NHSL2: variants seen among roughly 807,000 people sequenced by gnomAD.
NHSL2 encodes the protein NHS like 2, also known as NHS-like protein 2.
NHSL2 carries 27 observed loss-of-function variants against 53.4 expected under a neutral mutation model. That is an observed-to-expected ratio of 0.51 (90% CI 0.37 to 0.70). The LOEUF (loss-of-function observed/expected upper bound fraction) is 0.70, where lower values mean the gene tolerates loss of function less well. NHSL2 is among the 30% of genes least tolerant of loss of function. The probability of loss-of-function intolerance (pLI) is 0.00; values close to 1 mark genes in which losing one functional copy is unlikely to be tolerated. For missense variants in NHSL2, 892 were observed against 980.1 expected (o/e 0.91, Z 1.20); for synonymous variants, 408 against 404.1 (o/e 1.01, Z -0.12).
intron 1 of NHSL2, among the ~76,000 whole-genome samples, chrX:72,064,366 A>G (rs975233828): frequency 5.3e-5 from 6 of 112,300 alleles, no homozygotes; most frequent in African/African-American, 1.6e-4. Flanking sequence ...AGCAGAATGA[A>G]AAGGAGACAG....
intron 1 of NHSL2, among the ~76,000 whole-genome samples, chrX:71,924,746 G>A (rs1470656945): frequency 8.9e-6 from 1 of 112,474 alleles, no homozygotes. Context: ...ACGGGCCTTT[G>A]AGAGTAGAAA....
At chrX:71,936,646 A>T (rs2041739909) in intron 1 of NHSL2, among the ~76,000 whole-genome samples, 1 of 112,430 alleles carries the variant, frequency 8.9e-6, no homozygotes, top group Non-Finnish European at 1.9e-5. Context: ...GAGAAACAAA[A>T]CAGAAACTTT....
chrX:72,062,044 T>G (rs1157903190), intron 1 of NHSL2, among the ~76,000 whole-genome samples: 2 of 112,729 alleles, frequency 1.8e-5, no homozygotes, highest in African/African-American at 6.5e-5. Context: ...CTCATTAACC[T>G]CTATCACCCA....
intron 1 of NHSL2, among the ~76,000 whole-genome samples, chrX:72,091,071 A>T (rs1298084707): frequency 8.9e-6 from 1 of 111,943 alleles, no homozygotes; most frequent in East Asian, 2.8e-4. Flanking sequence ...TCCAATGTTC[A>T]TGTGTTCTTT....
At chrX:72,082,140 A>G (rs1481328010) in intron 1 of NHSL2, among the ~76,000 whole-genome samples, 1 of 111,966 alleles carries the variant, frequency 8.9e-6, no homozygotes, top group Non-Finnish European at 1.9e-5. Flanking sequence ...CATAGCTGAG[A>G]TAAGTGGGCC....
intron 1 of NHSL2, among the ~76,000 whole-genome samples, chrX:71,943,337 C>T (rs1046128554): frequency 2.7e-5 from 3 of 112,417 alleles, no homozygotes; most frequent in Non-Finnish European, 5.6e-5. Context: ...CCATCCAATT[C>T]ATCTTCCTTA....
chrX:72,082,898 A>G (rs1046047257), intron 1 of NHSL2, among the ~76,000 whole-genome samples: 1 of 111,945 alleles, frequency 8.9e-6, no homozygotes, highest in African/African-American at 3.3e-5. Context: ...CACATTCTGT[A>G]CTCCAGCCTT....
At chrX:71,928,651 C>A (rs1338920816) in intron 1 of NHSL2, among the ~76,000 whole-genome samples, 2 of 111,291 alleles carry the variant, frequency 1.8e-5, no homozygotes, top group African/African-American at 6.5e-5. Flanking sequence ...GGTGGCCCCT[C>A]AAACTTGGTG....
At chrX:72,008,070 A>G (rs890624303) in intron 1 of NHSL2, among the ~76,000 whole-genome samples, 1 of 113,041 alleles carries the variant, frequency 8.8e-6, no homozygotes, top group Non-Finnish European at 1.9e-5. Flanking sequence ...AGGTATTTCA[A>G]GCTGGAGGCT....
intron 1 of NHSL2, among the ~76,000 whole-genome samples, chrX:71,963,265 A>T (rs909900962): frequency 9.0e-6 from 1 of 110,896 alleles, no homozygotes; most frequent in Non-Finnish European, 1.9e-5. Flanking sequence ...TGTAAATAAT[A>T]TAGTAAAATA....
At chrX:72,043,891 G>A (rs1402542348) in intron 1 of NHSL2, among the ~76,000 whole-genome samples, 1 of 111,990 alleles carries the variant, frequency 8.9e-6, no homozygotes, top group African/African-American at 3.2e-5. Context: ...GAGGAAACCG[G>A]CTGAGTCCTA....
chrX:72,137,333 G>T, intron 5 of NHSL2, 108 bp downstream of exon 5: 1 of 779,782 alleles, frequency 1.3e-6, no homozygotes, highest in Admixed American at 3.7e-5. Context: ...ATTGGGTGGA[G>T]GAGGGGGCCT....
chrX:72,044,007 T>C (rs898630451), intron 1 of NHSL2, among the ~76,000 whole-genome samples: 2 of 112,118 alleles, frequency 1.8e-5, no homozygotes, highest in East Asian at 5.6e-4. Flanking sequence ...AAATGAAGCT[T>C]GGTCCCTGTC....
chrX:72,059,505 G>A (rs1287584938), intron 1 of NHSL2, among the ~76,000 whole-genome samples: 2 of 111,928 alleles, frequency 1.8e-5, no homozygotes, highest in Non-Finnish European at 3.8e-5. Context: ...TCCCAAATAC[G>A]AGAAACCCTC....
chrX:72,056,536 C>T (rs1241051267), intron 1 of NHSL2, among the ~76,000 whole-genome samples: 1 of 109,093 alleles, frequency 9.2e-6, no homozygotes, highest in Non-Finnish European at 1.9e-5. Flanking sequence ...TATTTGTGTG[C>T]TTATTTAACG....
intron 1 of NHSL2, among the ~76,000 whole-genome samples, chrX:71,975,692 C>T (rs1230553696): frequency 1.8e-5 from 2 of 110,727 alleles, no homozygotes; most frequent in Non-Finnish European, 3.8e-5. Context: ...TCCTCATCAC[C>T]ATTCCTCCCA....
In NHSL2 at chrX:72,103,718, T is replaced by C. The variant is rs199699151; in HGVS notation, c.281-28361T>C. 1.2e-4 allele frequency among the ~76,000 whole-genome samples: 14 copies of C among 112,237 alleles called. No individual in the cohort carries two copies. In the East Asian group the frequency reaches 4.0e-3, roughly 32 times the overall value. On this transcript the variant is annotated intron_variant, in intron 1 of 7. Transcript: ENST00000633930. ...TCTTGGTTGGGCCATCAGAAACATGTAAATTCACTCAGACAGGGCCTGGGA... is the reference window on the plus strand; with the variant it reads ...TCTTGGTTGGGCCATCAGAAACATGCAAATTCACTCAGACAGGGCCTGGGA...
chrX:71,978,129 G>A (rs1049289773), intron 1 of NHSL2, among the ~76,000 whole-genome samples: 2 of 112,531 alleles, frequency 1.8e-5, no homozygotes, highest in African/African-American at 3.2e-5. Flanking sequence ...AGTGCTTAGC[G>A]CAGTACCTAC....
chrX:71,920,573 C>A (rs955929852), intron 1 of NHSL2, among the ~76,000 whole-genome samples: 1 of 111,233 alleles, frequency 9.0e-6, no homozygotes, highest in African/African-American at 3.3e-5. Flanking sequence ...TAAAAGTTCC[C>A]ATGTGATTCT....
Sources: allele counts gnomAD v4.1 joint callset (sites outside exome capture counted in the v4.1 genomes callset), GRCh38; gene constraint gnomAD v4.1.1; transcripts MANE v1.5; gene names NCBI Gene and HGNC (gene_info 2026-07-23, HGNC 2026-07-21).